SRD5A2: variants seen among roughly 807,000 people sequenced by gnomAD.
SRD5A2 encodes steroid 5 alpha-reductase 2, also known as 3-oxo-5-alpha-steroid 4-dehydrogenase 2.
Under a neutral mutation model 27.4 loss-of-function variants are expected in SRD5A2, and 30 were observed. The ratio of observed to expected loss-of-function variants is 1.10; its 90% confidence interval spans 0.82 to 1.49. The LOEUF (loss-of-function observed/expected upper bound fraction) is 1.49, where lower values mean the gene tolerates loss of function less well. Ranked by LOEUF, SRD5A2 falls within the 40% of genes most tolerant of loss-of-function variation. The pLI, the probability that SRD5A2 is intolerant of heterozygous loss-of-function variation, is 0.00. For synonymous variants in SRD5A2, 141 were observed against 133.6 expected (o/e 1.06, Z -0.38); for missense variants, 348 against 323.4 (o/e 1.08, Z -0.58).
chr2:31,541,462 CT>C (rs1351627467), intron 1 of SRD5A2, among the ~76,000 whole-genome samples: 9 of 152,094 alleles, frequency 5.9e-5, no homozygotes, highest in African/African-American at 1.9e-4. Flanking sequence ...TCAAAAAAGA[CT>C]TTAAAATAAC....
chr2:31,529,644 T>C (rs944291787), intron 3 of SRD5A2, among the ~76,000 whole-genome samples, 187 bp from the exon 4 acceptor site: 1 of 152,224 alleles, frequency 6.6e-6, no homozygotes, highest in Non-Finnish European at 1.5e-5. Context: ...CAACAGCCTG[T>C]TGCCTGGAGA....
chr2:31,658,749 G>C, the SRD5A2 span, among the ~76,000 whole-genome samples: 5 of 151,956 alleles, frequency 3.3e-5, no homozygotes, highest in African/African-American at 1.2e-4. Flanking sequence ...CCCAAAAAAA[G>C]TTCAGGCCAG....
the SRD5A2 span, among the ~76,000 whole-genome samples, chr2:31,587,505 C>T: frequency 2.0e-5 from 3 of 152,108 alleles, no homozygotes; most frequent in Admixed American, 2.0e-4. Flanking sequence ...ACCCGAATGC[C>T]CATCAATGGT....
chr2:31,573,376 C>T (rs952774317), intron 1 of SRD5A2, among the ~76,000 whole-genome samples: 1 of 152,184 alleles, frequency 6.6e-6, no homozygotes, highest in Non-Finnish European at 1.5e-5. Context: ...TTTAGAGCTC[C>T]TATGTTGAGC....
chr2:31,570,305 G>T (rs1324963874), intron 1 of SRD5A2, among the ~76,000 whole-genome samples: 1 of 152,012 alleles, frequency 6.6e-6, no homozygotes. Context: ...TTCAGAAAAG[G>T]CTTTCAATAC....
chr2:31,654,884 C>T, the SRD5A2 span, among the ~76,000 whole-genome samples: 1 of 152,142 alleles, frequency 6.6e-6, no homozygotes, highest in Non-Finnish European at 1.5e-5. Flanking sequence ...ACAGGGTAAC[C>T]TTGTCTCCAA....
chr2:31,608,679 A>G, the SRD5A2 span, among the ~76,000 whole-genome samples: 5 of 152,024 alleles, frequency 3.3e-5, no homozygotes, highest in African/African-American at 7.2e-5. Context: ...ATAGCACCAA[A>G]CAGAACAAAA....
chr2:31,613,483 G>T, the SRD5A2 span, among the ~76,000 whole-genome samples: 1 of 152,150 alleles, frequency 6.6e-6, no homozygotes, highest in Non-Finnish European at 1.5e-5. Flanking sequence ...ACATCTTTTA[G>T]AATGGTTATT....
the SRD5A2 span, among the ~76,000 whole-genome samples, chr2:31,642,247 A>T: frequency 1.3e-5 from 2 of 152,074 alleles, no homozygotes; most frequent in Non-Finnish European, 2.9e-5. Flanking sequence ...AATTAATTCA[A>T]AGTGGATCAT....
chr2:31,532,820 G>A (rs770083465), intron 2 of SRD5A2, among the ~76,000 whole-genome samples: 1 of 152,074 alleles, frequency 6.6e-6, no homozygotes, highest in Non-Finnish European at 1.5e-5. Flanking sequence ...AGGGAAGGGG[G>A]ACAGCACACA....
chr2:31,597,629 A>C, the SRD5A2 span, among the ~76,000 whole-genome samples: 1 of 152,166 alleles, frequency 6.6e-6, no homozygotes. Context: ...ATCTCATCAA[A>C]AAGTGGGCTA....
chr2:31,571,851 TAA>T (rs1666854983), intron 1 of SRD5A2, among the ~76,000 whole-genome samples: 1 of 152,100 alleles, frequency 6.6e-6, no homozygotes, highest in African/African-American at 2.4e-5. Flanking sequence ...TAGCTACTAT[TAA>T]AAAGTCAAAA....
At chr2:31,626,671 T>A in the SRD5A2 span, among the ~76,000 whole-genome samples, 1 of 152,134 alleles carries the variant, frequency 6.6e-6, no homozygotes, top group African/African-American at 2.4e-5. Flanking sequence ...TTGATCTGAG[T>A]ATGTTGAACC....
At chr2:31,618,971 AT>A in the SRD5A2 span, among the ~76,000 whole-genome samples, 3 of 152,136 alleles carry the variant, frequency 2.0e-5, no homozygotes, top group African/African-American at 7.2e-5. Context: ...TGAATTAATA[AT>A]TTTCCCTCCA....
chr2:31,662,865 G>C, the SRD5A2 span, among the ~76,000 whole-genome samples: 67 of 152,218 alleles, frequency 4.4e-4, no homozygotes, highest in Non-Finnish European at 8.4e-4. Context: ...TACCTTGTAT[G>C]TGTGCATTTC....
At chr2:31,586,332 C>T in the SRD5A2 span, among the ~76,000 whole-genome samples, 2 of 152,206 alleles carry the variant, frequency 1.3e-5, no homozygotes, top group African/African-American at 4.8e-5. Flanking sequence ...GGGGAACTTG[C>T]CACCCTGAAG....
chr2:31,649,288 C>T, the SRD5A2 span, among the ~76,000 whole-genome samples: 51 of 152,246 alleles, frequency 3.3e-4, no homozygotes, highest in South Asian at 8.3e-4. Flanking sequence ...GCAGTTAGCT[C>T]GACCTGAATA....
chr2:31,619,759 G>A, the SRD5A2 span, among the ~76,000 whole-genome samples: 2 of 151,942 alleles, frequency 1.3e-5, no homozygotes, highest in Admixed American at 6.6e-5. Context: ...ATCTGTCCAT[G>A]TCCTTTGTCC....
At chr2:31,636,669 G>T in the SRD5A2 span, among the ~76,000 whole-genome samples, 2 of 152,040 alleles carry the variant, frequency 1.3e-5, no homozygotes, top group Non-Finnish European at 2.9e-5. Flanking sequence ...GTTGATGAGG[G>T]TTTTTATCAT....
Sources: gnomAD v4.1 joint callset for allele counts (sites outside exome capture counted in the v4.1 genomes callset) on GRCh38, gnomAD v4.1.1 for gene constraint, MANE v1.5 for transcripts, NCBI Gene and HGNC (gene_info 2026-07-23, HGNC 2026-07-21) for gene names.